The following ZNF562 variants were observed in gnomAD, a reference collection of about 807,000 sequenced individuals.
The protein encoded by ZNF562 is zinc finger protein 562.
In ZNF562, 13 loss-of-function variants were observed where a neutral mutation model predicts 17.5. That is an observed-to-expected ratio of 0.74 (90% CI 0.48 to 1.18). ZNF562 has a LOEUF of 1.18. Among genes scored for constraint, ZNF562 ranks in the 50% most tolerant of loss-of-function variants. The probability of loss-of-function intolerance (pLI) is 0.00; values close to 1 mark genes in which losing one functional copy is unlikely to be tolerated. For synonymous variants in ZNF562, 163 were observed against 165.4 expected, an observed-to-expected ratio of 0.99 and a Z score of 0.11; for missense variants, 481 against 498.5, an observed-to-expected ratio of 0.96 and a Z score of 0.33.
chr19:9,653,992 A>AC, intron 5 of ZNF562, 111 bp from the exon 6 acceptor site: 1 of 1,007,110 alleles, frequency 9.9e-7, no homozygotes, highest in Non-Finnish European at 1.3e-6. Context: ...TTAATGTTTA[A>AC]TTTTTTTTTT....
Position 9,653,436 on chromosome 19 carries a change from C to T in ZNF562, c.794G>A (p.Cys265Tyr), listed in dbSNP as rs1207604169. The T allele has an allele frequency of 1.2e-6, 2 of 1,614,044 alleles. No individual in the cohort carries two copies. Among genetic ancestry groups the T allele is most frequent in the African/African-American group, 1.3e-5 (1 of 74,932 alleles). The change falls in exon 6 of 6, where the codon TGT (cysteine) becomes TAT (tyrosine). Residue 265 changes from cysteine to tyrosine, a missense_variant. Physicochemically the swap from Cys to Tyr is radical, Grantham distance 194. Transcript: ENST00000453372. ...AGAAAAATTAGTGAAGGATTTCCCA[C>T]AGTTCTTAGTCTTTTCGGATTTCTT... ...TGKKSEKTKN[C>Y]GKSFTNFSQL...
In ZNF562 at chr19:9,672,197, A is replaced by C. The variant is rs116253838; in HGVS notation, c.-131+2818T>G. Among the ~76,000 whole-genome samples the C allele has an allele frequency of 3.8e-3, 584 of 152,348 alleles. 4 individuals carry two copies. The highest frequency in any genetic ancestry group is 0.013 in the African/African-American group (548 of 41,590). Reference sequence around the variant, plus strand: ...GACAATTGCAATGCAAAAATCTTGAATGGATCTTAGATCCAAAAACACCCA... The same window carrying C: ...GACAATTGCAATGCAAAAATCTTGACTGGATCTTAGATCCAAAAACACCCA... On this transcript the variant is annotated intron_variant, in intron 1 of 5. Transcript: ENST00000453372.
At chr19:9,666,275 A>T (rs1175722644) in intron 1 of ZNF562, among the ~76,000 whole-genome samples, 1 of 151,040 alleles carries the variant, frequency 6.6e-6, no homozygotes, top group Non-Finnish European at 1.5e-5. Flanking sequence ...GTGAGCCGAG[A>T]TCGCACTATT....
At chr19:9,670,193 T>TA (rs1310393001) in intron 1 of ZNF562, among the ~76,000 whole-genome samples, 1 of 151,924 alleles carries the variant, frequency 6.6e-6, no homozygotes, top group Non-Finnish European at 1.5e-5. Context: ...GAGCCATGAT[T>TA]ATGCCATGGC....
At position 9,645,822 on chromosome 19, in the gene ZNF562, A is replaced by G. The variant is rs2074802239; in HGVS notation, c.*7127T>C. 2 of 152,250 alleles carry G rather than the reference A, an allele frequency of 1.3e-5. No individual in the cohort carries two copies. The highest frequency in any genetic ancestry group is 2.4e-5 in the African/African-American group (1 of 41,466). The allele number at this position is 152,250 out of a possible 1,614,324, so 9.4% of individuals were successfully genotyped here. A position where few individuals can be genotyped will look rare whatever the true frequency, so the allele number is the denominator to read the frequency against. Reference sequence around the variant, plus strand: ...GTGCACTTAGTTAGAAAGAAAAGGTATTAAGGAAGACTTATATTTAAAATT... The same window carrying G: ...GTGCACTTAGTTAGAAAGAAAAGGTGTTAAGGAAGACTTATATTTAAAATT... On this transcript the variant is annotated 3_prime_UTR_variant, in exon 6 of 6. Transcript: ENST00000453372.
chr19:9,669,705 T>G (rs1307564508), intron 1 of ZNF562, among the ~76,000 whole-genome samples: 2 of 102,996 alleles, frequency 1.9e-5, no homozygotes, highest in Non-Finnish European at 3.8e-5. Flanking sequence ...CCTGTCTGCA[T>G]GCACGCGCGC....
At chr19:9,668,079 A>G (rs2044019042) in intron 1 of ZNF562, among the ~76,000 whole-genome samples, 1 of 152,192 alleles carries the variant, frequency 6.6e-6, no homozygotes, top group Non-Finnish European at 1.5e-5. Flanking sequence ...AGCTGCAAAG[A>G]CTATAAAATG....
Position 9,653,180 on chromosome 19 carries a change from G to A in ZNF562, c.1050C>T (p.Gly350=). 6.2e-7 allele frequency: 1 copy of A among 1,613,846 alleles called. No homozygotes were observed. Among genetic ancestry groups the A allele is most frequent in the Admixed American group, 1.7e-5 (1 of 59,986 alleles). Residue 350 remains glycine (G), a synonymous_variant, in exon 6 of 6, where the codon GGC becomes GGT. Transcript: ENST00000453372. ...GIKPYECKEC[G]QAFTQYTGLA... ...GGCCCGTGTACTGAGTGAAGGCTTG[G>A]CCACATTCCTTACATTCATAGGGTT... is the stretch of plus-strand genomic sequence containing the variant.
chr19:9,672,102 G>C (rs1053636809), intron 1 of ZNF562, among the ~76,000 whole-genome samples: 1 of 152,192 alleles, frequency 6.6e-6, no homozygotes, highest in Non-Finnish European at 1.5e-5. Flanking sequence ...AAGAGAATGA[G>C]TGTGACTCTC....
chr19:9,660,766 T>G lies in ZNF562; in HGVS notation c.-22A>C, dbSNP rs754271015. 1 of 1,613,188 alleles carries G rather than the reference T, an allele frequency of 6.2e-7. No homozygotes were observed. The highest frequency in any genetic ancestry group is 8.5e-7 in the Non-Finnish European group (1 of 1,179,580). ...ACATCCTCTGAAGCTGATGGTGAGA[T>G]GTGCCTCAATGCTGTCTTTCTTGAT... On this transcript the variant is annotated 5_prime_UTR_variant, in exon 2 of 6. Coordinates refer to ENST00000453372, the MANE Select transcript of ZNF562 (RefSeq NM_001130031.2).
In ZNF562 at chr19:9,646,361, T is replaced by C. The variant is rs2074806501; in HGVS notation, c.*6588A>G. On this transcript the variant is annotated 3_prime_UTR_variant, in exon 6 of 6. Transcript: ENST00000453372. ...CTGTGATTACAGACATCAGCCACTATGCCCAGCGGTATACAGATTTTTTAA... is the reference window on the plus strand; with the variant it reads ...CTGTGATTACAGACATCAGCCACTACGCCCAGCGGTATACAGATTTTTTAA... 1 of 152,184 alleles carries C rather than the reference T, an allele frequency of 6.6e-6. No homozygotes were observed. Among genetic ancestry groups the C allele is most frequent in the Non-Finnish European group, 1.5e-5 (1 of 68,038 alleles). 9.4% of individuals were successfully genotyped at this position (152,184 alleles called of 1,614,324 possible).
chr19:9,668,261 G>C (rs1258128063), intron 1 of ZNF562, among the ~76,000 whole-genome samples: 2 of 151,970 alleles, frequency 1.3e-5, no homozygotes, highest in Non-Finnish European at 2.9e-5. Context: ...TGTAGTCCCA[G>C]CTACTCAAAA....
At chr19:9,657,371 G>A (rs1435419450) in intron 4 of ZNF562, among the ~76,000 whole-genome samples, 1 of 148,076 alleles carries the variant, frequency 6.8e-6, no homozygotes, top group African/African-American at 2.5e-5. Flanking sequence ...CCCAGCCTGG[G>A]TGACAGAGTG....
rs2074807071 is a variant in ZNF562, at chr19:9,646,415, CACA to C, written c.*6531_*6533del. On this transcript the variant is annotated 3_prime_UTR_variant, in exon 6 of 6. Coordinates refer to ENST00000453372, the MANE Select transcript of ZNF562 (RefSeq NM_001130031.2). The stretch of plus-strand genomic sequence containing the variant: ...TCCAGCTAAAGTATGTATAAAAAGA[CACA>C]TTTTTTTAAAAAGCATACAGAAAGA... 6.6e-6 allele frequency: 1 copy of C among 151,956 alleles called. No individual in the cohort carries two copies. Among genetic ancestry groups the C allele is most frequent in the Non-Finnish European group, 1.5e-5 (1 of 68,000 alleles). The allele number at this position is 151,956 out of a possible 1,614,324, so 9.4% of individuals were successfully genotyped here. A position where few individuals can be genotyped will look rare whatever the true frequency, so the allele number is the denominator to read the frequency against.
In ZNF562 at chr19:9,645,772, G is replaced by A. The variant is rs879484768; in HGVS notation, c.*7177C>T. 7.9e-5 allele frequency: 12 copies of A among 152,116 alleles called. No homozygotes were observed. The highest frequency in any genetic ancestry group is 7.9e-4 in the Admixed American group (12 of 15,264). 9.4% of individuals were successfully genotyped at this position (152,116 alleles called of 1,614,324 possible). A position where few individuals can be genotyped will look rare whatever the true frequency, so the allele number is the denominator to read the frequency against. ...TCTCCAAGTGTAGTAAGTGTATATG[G>A]GAATCACTTTATTCAAACAGTGTAG... On this transcript the variant is annotated 3_prime_UTR_variant, in exon 6 of 6. Coordinates refer to ENST00000453372, the MANE Select transcript of ZNF562 (RefSeq NM_001130031.2).
chr19:9,673,144 C>G (rs1311572522), intron 1 of ZNF562, among the ~76,000 whole-genome samples: 1 of 152,112 alleles, frequency 6.6e-6, no homozygotes, highest in African/African-American at 2.4e-5. Context: ...ATGACTCACA[C>G]ATCCCCCTAC....
intron 2 of ZNF562, among the ~76,000 whole-genome samples, chr19:9,660,490 C>T (rs1013553199): frequency 6.6e-6 from 1 of 151,662 alleles, no homozygotes; most frequent in Non-Finnish European, 1.5e-5. Flanking sequence ...CCTGTGGTCC[C>T]AGTGACTCGG....
At chr19:9,674,626 G>A (rs1355719584) in intron 1 of ZNF562, 2 of 152,104 alleles carry the variant, frequency 1.3e-5, no homozygotes, top group African/African-American at 4.8e-5. Flanking sequence ...TTCCGCCGTT[G>A]CTCACCAGGA....
intron 1 of ZNF562, among the ~76,000 whole-genome samples, chr19:9,669,732 GCGCACACACACACACACACACACACACA>G (rs2044097512): frequency 2.0e-4 from 15 of 76,776 alleles, no homozygotes; most frequent in African/African-American, 5.6e-4. Flanking sequence ...GCGCGCGCGC[GCGCACACACACACACACACACACACACA>G]CACACACACA....
Sources: allele counts gnomAD v4.1 joint callset (sites outside exome capture counted in the v4.1 genomes callset), GRCh38; gene constraint gnomAD v4.1.1; transcripts MANE v1.5; gene names NCBI Gene and HGNC (gene_info 2026-07-23, HGNC 2026-07-21).